BRINP3: variants seen among roughly 807,000 people sequenced by gnomAD.
BRINP3 encodes BMP/retinoic acid inducible neural specific 3, also known as BMP/retinoic acid-inducible neural-specific protein 3.
Under a neutral mutation model 71.0 loss-of-function variants are expected in BRINP3, and 19 were observed. The ratio of observed to expected loss-of-function variants is 0.27; its 90% CI spans 0.19 to 0.39. BRINP3 has a LOEUF of 0.39. Ranked by LOEUF, BRINP3 falls within the 10% of genes least tolerant of loss-of-function variation. BRINP3 has a pLI of 1.00. For missense variants in BRINP3, 959 were observed against 940.8 expected (o/e 1.02, Z -0.25); for synonymous variants, 380 against 337.7 (o/e 1.13, Z -1.37).
chr1:190,477,511 T>G lies in BRINP3; in HGVS notation c.-114A>C, dbSNP rs2102736297. On this transcript the variant is annotated 5_prime_UTR_variant, in exon 1 of 8. Coordinates refer to ENST00000367462, the MANE Select transcript of BRINP3 (RefSeq NM_199051.3). ...ATACATCCAGGATTCAAATAGATAT[T>G]CCATGATCTTCCAAATCAAGGTAAA... The G allele has an allele frequency of 6.6e-6, 1 of 152,282 alleles. No individual in the cohort carries two copies. The highest frequency in any genetic ancestry group is 2.4e-5 in the African/African-American group (1 of 41,552). The allele number at this position is 152,282 out of a possible 1,614,324, so 9.4% of individuals were successfully genotyped here.
At chr1:190,237,579 C>T (rs992599197) in intron 4 of BRINP3, among the ~76,000 whole-genome samples, 2 of 151,800 alleles carry the variant, frequency 1.3e-5, no homozygotes, top group Admixed American at 1.3e-4. Context: ...GAGCAATTGC[C>T]ATTTTTTCTA....
chr1:190,226,139 T>G lies in BRINP3; in HGVS notation c.904A>C (p.Asn302His), dbSNP rs751208820. 1.2e-6 allele frequency: 2 copies of G among 1,611,826 alleles called. No homozygotes were observed. Among genetic ancestry groups the G allele is most frequent in the Non-Finnish European group, 8.5e-7 (1 of 1,178,622 alleles). Reference sequence around the variant, plus strand: ...CAGGTTTCAGTTATTCGAAGAAGATTCTCTTCCATGGCTTGAATGTCCATG... The same window carrying G: ...CAGGTTTCAGTTATTCGAAGAAGATGCTCTTCCATGGCTTGAATGTCCATG... ...PSMDIQAMEENLLRITETWKA... is the reference protein window; with the variant it reads ...PSMDIQAMEEHLLRITETWKA... Residue 302 changes from asparagine to histidine, a missense_variant, in exon 6 of 8, where the codon AAT (asparagine) becomes CAT (histidine). Coordinates refer to ENST00000367462, the MANE Select transcript of BRINP3 (RefSeq NM_199051.3).
intron 2 of BRINP3, among the ~76,000 whole-genome samples, chr1:190,333,278 A>G (rs1667081461): frequency 1.3e-5 from 2 of 151,988 alleles, no homozygotes; most frequent in Non-Finnish European, 2.9e-5. Flanking sequence ...CTACGATTCA[A>G]TCGTAGAGAG....
At chr1:190,177,006 T>A (rs2102519175) in intron 6 of BRINP3, among the ~76,000 whole-genome samples, 1 of 152,270 alleles carries the variant, frequency 6.6e-6, no homozygotes, top group East Asian at 1.9e-4. Context: ...ATGGGGCAAA[T>A]GGCCTCCCTT....
At chr1:190,253,818 G>A (rs546867634) in intron 4 of BRINP3, among the ~76,000 whole-genome samples, 26 of 152,254 alleles carry the variant, frequency 1.7e-4, no homozygotes, top group Middle Eastern at 3.4e-3. Flanking sequence ...TGCTTTTGGT[G>A]TTTTAGTCAT....
intron 1 of BRINP3, among the ~76,000 whole-genome samples, chr1:190,459,818 G>C (rs1676262759): frequency 6.6e-6 from 1 of 151,864 alleles, no homozygotes; most frequent in Non-Finnish European, 1.5e-5. Flanking sequence ...CTTTCATTTT[G>C]AATAATGTAG....
chr1:190,357,863 A>T (rs1286582140), intron 2 of BRINP3, among the ~76,000 whole-genome samples: 2 of 152,012 alleles, frequency 1.3e-5, no homozygotes, highest in African/African-American at 2.4e-5. Flanking sequence ...CCACACATCT[A>T]CAACCATCTG....
At chr1:190,345,376 A>C (rs1667949129) in intron 2 of BRINP3, among the ~76,000 whole-genome samples, 1 of 151,790 alleles carries the variant, frequency 6.6e-6, no homozygotes, top group South Asian at 2.1e-4. Context: ...ATCGAAATAA[A>C]ACCAAGACCT....
intron 2 of BRINP3, among the ~76,000 whole-genome samples, chr1:190,433,966 C>T (rs145111705): frequency 4.6e-5 from 7 of 151,912 alleles, no homozygotes; most frequent in African/African-American, 7.2e-5. Context: ...CGGTTTTCTG[C>T]GAAATTAGTT....
intron 2 of BRINP3, among the ~76,000 whole-genome samples, chr1:190,414,862 C>A (rs1672913218): frequency 6.6e-6 from 1 of 152,166 alleles, no homozygotes; most frequent in Admixed American, 6.5e-5. Flanking sequence ...AGAAGAGGAG[C>A]TGCTGTCATG....
chr1:190,134,319 T>C (rs1394657795), intron 7 of BRINP3, among the ~76,000 whole-genome samples: 1 of 152,048 alleles, frequency 6.6e-6, no homozygotes, highest in Non-Finnish European at 1.5e-5. Context: ...AAGACAGGGA[T>C]AACAAAGATC....
chr1:190,453,201 GTATTTTTTTTTTTTTTTT>G (rs1675743218), intron 2 of BRINP3, among the ~76,000 whole-genome samples: 3 of 37,856 alleles, frequency 7.9e-5, no homozygotes, highest in African/African-American at 1.6e-4. Flanking sequence ...AAAAACTTTA[GTATTTTTTTTTTTTTTTT>G]TTTTTTTTTT....
intron 7 of BRINP3, among the ~76,000 whole-genome samples, chr1:190,123,913 C>T (rs1208058144): frequency 6.6e-6 from 1 of 152,132 alleles, no homozygotes; most frequent in East Asian, 1.9e-4. Flanking sequence ...TTGCATCAAA[C>T]TTTGCCCGAG....
chr1:190,357,956 T>G (rs1489341275), intron 2 of BRINP3, among the ~76,000 whole-genome samples: 1 of 152,028 alleles, frequency 6.6e-6, no homozygotes, highest in East Asian at 1.9e-4. Context: ...TGGCTAGCCA[T>G]ATGGAGAAAG....
chr1:190,458,119 A>G (rs916532211), intron 1 of BRINP3, among the ~76,000 whole-genome samples: 2 of 152,084 alleles, frequency 1.3e-5, no homozygotes, highest in Non-Finnish European at 2.9e-5. Flanking sequence ...TAATTATCAC[A>G]TAATTCGGGG....
intron 2 of BRINP3, among the ~76,000 whole-genome samples, chr1:190,349,219 A>G (rs1571824984): frequency 6.6e-6 from 1 of 152,142 alleles, no homozygotes; most frequent in Middle Eastern, 3.4e-3. Context: ...AAATTCCTCA[A>G]TTTTTAAAGA....
chr1:190,326,891 A>G (rs1020258424), intron 2 of BRINP3, among the ~76,000 whole-genome samples: 1 of 152,050 alleles, frequency 6.6e-6, no homozygotes, highest in African/African-American at 2.4e-5. Flanking sequence ...GAAACCACAC[A>G]TTAGAAACTA....
intron 1 of BRINP3, chr1:190,475,886 C>T (rs1677467532): frequency 6.6e-6 from 1 of 151,972 alleles, no homozygotes; most frequent in Non-Finnish European, 1.5e-5. Flanking sequence ...AACAGCAGTC[C>T]TCCAAAGAGA....
intron 6 of BRINP3, among the ~76,000 whole-genome samples, chr1:190,172,799 T>C (rs934530531): frequency 1.3e-5 from 2 of 152,062 alleles, no homozygotes; most frequent in Non-Finnish European, 2.9e-5. Flanking sequence ...TTTCCCAAAA[T>C]GCAGTGATAT....
Sources: allele counts gnomAD v4.1 joint callset (sites outside exome capture counted in the v4.1 genomes callset), GRCh38; gene constraint gnomAD v4.1.1; transcripts MANE v1.5; gene names NCBI Gene and HGNC (gene_info 2026-07-23, HGNC 2026-07-21).